TENM2: variants seen among roughly 807,000 people sequenced by gnomAD.
TENM2 encodes teneurin transmembrane protein 2.
Under a neutral mutation model 245.2 loss-of-function variants are expected in TENM2, and 52 were observed. That is an observed-to-expected ratio of 0.21 (90% CI 0.17 to 0.27). The LOEUF (loss-of-function observed/expected upper bound fraction) is 0.27, where lower values mean the gene tolerates loss of function less well. Among genes scored for constraint, TENM2 ranks in the 10% least tolerant of loss-of-function variants. The pLI, the probability that TENM2 is intolerant of heterozygous loss-of-function variation, is 1.00. For synonymous variants in TENM2, 1,363 were observed against 1,438.9 expected (o/e 0.95, Z 1.19); for missense variants, 3,046 against 3,666.8 (o/e 0.83, Z 4.37).
At chr5:167,443,742 C>T (rs766423491) in intron 2 of TENM2, among the ~76,000 whole-genome samples, 1 of 151,916 alleles carries the variant, frequency 6.6e-6, no homozygotes, top group African/African-American at 2.4e-5. Context: ...TAATTTAAAC[C>T]ATGTATTTTG....
At chr5:168,039,845 T>G (rs1788029711) in intron 5 of TENM2, among the ~76,000 whole-genome samples, 2 of 151,796 alleles carry the variant, frequency 1.3e-5, no homozygotes, top group South Asian at 4.2e-4. Context: ...ACACTCGCAG[T>G]GTCAACAGCA....
At chr5:167,182,663 T>C in the TENM2 span, among the ~76,000 whole-genome samples, 1 of 152,136 alleles carries the variant, frequency 6.6e-6, no homozygotes, top group African/African-American at 2.4e-5. Context: ...GAGAAGTAAC[T>C]TTTTTATTTT....
chr5:168,247,779 C>T lies in TENM2; in HGVS notation c.6840C>T (p.Tyr2280=). The T allele has an allele frequency of 1.2e-6, 2 of 1,613,966 alleles. No homozygotes were observed. Among genetic ancestry groups the T allele is most frequent in the South Asian group, 2.2e-5 (2 of 91,076 alleles). ...AGAGAGGGTCTGACATCTTCGAATA[C>T]AATTCCAAGGGCCTCCTAACAAGAG... The change falls in exon 27 of 29, where the codon TAC becomes TAT. Residue 2280 remains tyrosine, a synonymous_variant. Transcript: ENST00000518659. The surrounding 1 kb of genome is among the most constrained non-coding windows in gnomAD (Gnocchi z 7.8).
rs564995446 is a variant in TENM2 at position 167,321,885 on chromosome 5, G to A, written c.226+36822G>A. ...GTTACAGTGGTGTAACTCAGATCTC[G>A]GTTGCAGATCTCGGCTCACTGCAAC... On this transcript the variant is annotated intron_variant, in intron 1 of 28. Transcript: ENST00000518659. Among the ~76,000 whole-genome samples the A allele has an allele frequency of 4.2e-5, 6 of 144,298 alleles. No homozygotes were observed. In the South Asian group the frequency reaches 1.1e-3, roughly 27 times the overall value. 94.7% of individuals were successfully genotyped at this position (144,298 alleles called of 152,430 possible). A position where few individuals can be genotyped will look rare whatever the true frequency, so the allele number is the denominator to read the frequency against.
chr5:167,547,571 T>C (rs1430628900), intron 2 of TENM2, among the ~76,000 whole-genome samples: 1 of 152,248 alleles, frequency 6.6e-6, no homozygotes, highest in East Asian at 1.9e-4. Flanking sequence ...GAAACTATTT[T>C]GTCTATAAAT....
intron 2 of TENM2, among the ~76,000 whole-genome samples, chr5:167,747,548 T>C (rs1326558192): frequency 6.6e-6 from 1 of 152,238 alleles, no homozygotes; most frequent in Non-Finnish European, 1.5e-5. Flanking sequence ...GATACTCAGC[T>C]CAAATGTGAA....
chr5:167,510,950 T>A (rs969596958), intron 2 of TENM2, among the ~76,000 whole-genome samples: 1 of 151,296 alleles, frequency 6.6e-6, no homozygotes, highest in African/African-American at 2.4e-5. Flanking sequence ...AAAAAAAAAA[T>A]AAAAGAAAGA....
At chr5:167,300,023 G>A (rs2127734488) in intron 1 of TENM2, among the ~76,000 whole-genome samples, 1 of 152,318 alleles carries the variant, frequency 6.6e-6, no homozygotes, top group South Asian at 2.1e-4. Context: ...ACGCAGACAT[G>A]AGGGCTAGGC....
the TENM2 span, among the ~76,000 whole-genome samples, chr5:167,158,685 T>C: frequency 2.0e-5 from 3 of 152,152 alleles, no homozygotes; most frequent in Non-Finnish European, 4.4e-5. Flanking sequence ...TAAGCTCTCC[T>C]GTCTCCTTAC....
intron 7 of TENM2, among the ~76,000 whole-genome samples, chr5:168,082,456 G>A (rs11960195): frequency 0.21 from 32,314 of 152,100 alleles, 3,553 homozygotes; most frequent in East Asian, 0.37. Flanking sequence ...GCCATTCTCC[G>A]TCCAGCTTTG....
At chr5:167,727,104 CTTTTTT>C (rs1227700479) in intron 2 of TENM2, among the ~76,000 whole-genome samples, 2 of 96,120 alleles carry the variant, frequency 2.1e-5, no homozygotes, top group African/African-American at 8.2e-5. Flanking sequence ...CCATTAATTT[CTTTTTT>C]TTTTTTTTTT....
the TENM2 span, among the ~76,000 whole-genome samples, chr5:167,199,113 A>AG: frequency 6.6e-6 from 1 of 151,560 alleles, no homozygotes; most frequent in Admixed American, 6.6e-5. Context: ...AAAAAAAAAA[A>AG]AAAAAAAGAA....
At chr5:167,750,470 C>T (rs541532255) in intron 2 of TENM2, among the ~76,000 whole-genome samples, 4 of 152,046 alleles carry the variant, frequency 2.6e-5, no homozygotes, top group Admixed American at 2.6e-4. Flanking sequence ...GAGTTGTGAG[C>T]CATGTTATAA....
At chr5:168,163,034 G>A (rs1347754423) in intron 13 of TENM2, among the ~76,000 whole-genome samples, 1 of 152,202 alleles carries the variant, frequency 6.6e-6, no homozygotes, top group African/African-American at 2.4e-5. Context: ...TGCCTTCAGG[G>A]TCACCAGTCC....
intron 1 of TENM2, chr5:167,309,992 AT>A (rs1755925043): frequency 6.6e-6 from 1 of 152,210 alleles, no homozygotes; most frequent in Non-Finnish European, 1.5e-5. Context: ...GCATCCTGAT[AT>A]TTAAATATAT....
At chr5:167,506,435 A>C (rs1227775121) in intron 2 of TENM2, among the ~76,000 whole-genome samples, 2 of 152,218 alleles carry the variant, frequency 1.3e-5, no homozygotes, top group African/African-American at 4.8e-5. Flanking sequence ...TTTCAGAGCA[A>C]ACCAGGAAAA....
intron 2 of TENM2, among the ~76,000 whole-genome samples, chr5:167,602,024 GAA>G (rs35674224): frequency 3.1e-4 from 45 of 145,700 alleles, no homozygotes; most frequent in Admixed American, 1.2e-3. Context: ...TTATTGGATA[GAA>G]AAAAAAAAAA....
intron 2 of TENM2, among the ~76,000 whole-genome samples, chr5:167,530,701 TAGAGCTGTTC>T (rs1404670930): frequency 1.3e-5 from 2 of 152,308 alleles, no homozygotes; most frequent in South Asian, 2.1e-4. Context: ...TGCTTCGCTG[TAGAGCTGTTC>T]AGGAAATTGA....
At chr5:167,487,928 T>C (rs1444634558) in intron 2 of TENM2, among the ~76,000 whole-genome samples, 1 of 152,218 alleles carries the variant, frequency 6.6e-6, no homozygotes, top group East Asian at 1.9e-4. Context: ...TTTCTGGTCA[T>C]AGAAGGTATA....
Sources: gnomAD v4.1 joint callset for allele counts (sites outside exome capture counted in the v4.1 genomes callset) on GRCh38, gnomAD v4.1.1 for gene constraint, Gnocchi (gnomAD v3.1) non-coding constraint, MANE v1.5 for transcripts, NCBI Gene and HGNC (gene_info 2026-07-23, HGNC 2026-07-21) for gene names.